The following HEATR5B variants were observed in gnomAD, a reference collection of about 807,000 sequenced individuals.
The protein encoded by HEATR5B is HEAT repeat-containing protein 5B.
In HEATR5B, 156 loss-of-function variants were observed where a neutral mutation model predicts 224.1. That is an observed-to-expected ratio of 0.70 (90% CI 0.61 to 0.80). The LOEUF is 0.80. Among genes scored for constraint, HEATR5B ranks in the 30% least tolerant of loss-of-function variants. The pLI is 0.00. For synonymous variants in HEATR5B, 1,027 were observed against 893.0 expected (o/e 1.15, Z -2.68); for missense variants, 2,323 against 2,535.5 (o/e 0.92, Z 1.80).
chr2:37,084,301 C>G lies in HEATR5B; in HGVS notation c.-55G>C. On this transcript the variant is annotated 5_prime_UTR_variant, in exon 1 of 36. Coordinates refer to ENST00000233099, the MANE Select transcript of HEATR5B (RefSeq NM_019024.3). The stretch of plus-strand genomic sequence containing the variant: ...TCTGGAAGGGAAGATCAGCTGAGCT[C>G]CGGGGGTAGAAGCAGCCACCAAGAG... 2.5e-6 allele frequency: 1 copy of G among 397,400 alleles called. No individual in the cohort carries two copies. Among genetic ancestry groups the G allele is most frequent in the East Asian group, 3.6e-5 (1 of 27,968 alleles). 24.6% of individuals were successfully genotyped at this position (397,400 alleles called of 1,614,324 possible).
chr2:37,013,754 A>T, intron 27 of HEATR5B, 87 bp downstream of exon 27: 1 of 1,248,792 alleles, frequency 8.0e-7, no homozygotes, highest in Non-Finnish European at 1.1e-6. Context: ...TAAAAAACAA[A>T]AATTTTTTTA....
chr2:37,076,834 A>T, intron 4 of HEATR5B, 77 bp downstream of exon 4: 1 of 1,106,464 alleles, frequency 9.0e-7, no homozygotes, highest in Non-Finnish European at 1.4e-6. Context: ...TGACAGAAAA[A>T]GAAACAAACA....
intron 21 of HEATR5B, among the ~76,000 whole-genome samples, chr2:37,033,597 T>C (rs896718440): frequency 1.3e-5 from 2 of 152,166 alleles, no homozygotes; most frequent in African/African-American, 4.8e-5. Context: ...GCCACAGTAT[T>C]TTTTTCATCT....
At chr2:36,982,111 T>C (rs1298305009) in intron 35 of HEATR5B, among the ~76,000 whole-genome samples, 1 of 151,952 alleles carries the variant, frequency 6.6e-6, no homozygotes, top group Non-Finnish European at 1.5e-5. Flanking sequence ...AGTAAGATTA[T>C]AAAATTTTTA....
In HEATR5B at chr2:37,005,644, A is replaced by C; in HGVS notation, c.4893T>G (p.Ile1631Met). 1 of 1,613,820 alleles carries C rather than the reference A, an allele frequency of 6.2e-7. No individual in the cohort carries two copies. Among genetic ancestry groups the C allele is most frequent in the Non-Finnish European group, 8.5e-7 (1 of 1,179,740 alleles). The change falls in exon 30 of 36, where the codon ATT (isoleucine) becomes ATG (methionine). Residue 1631 changes from isoleucine (I) to methionine (M), a missense_variant. Transcript: ENST00000233099. ...LLDSPYARVH[I>M]AEDQLIGVEL... ...CAATACACTGTACCTGATCTTCTGC[A>C]ATATGGACTCGAGCATAAGGGGAGT... is the stretch of plus-strand genomic sequence containing the variant.
Position 37,075,646 on chromosome 2 carries a change from TACAAAACAAAACTATTTTG to T in HEATR5B, c.448-31_448-13del, listed in dbSNP as rs775793925. The T allele has an allele frequency of 6.3e-7, 1 of 1,596,158 alleles. No individual in the cohort carries two copies. The highest frequency in any genetic ancestry group is 1.8e-5 in the Admixed American group (1 of 56,588). On this transcript the variant is annotated splice_polypyrimidine_tract_variant and intron_variant, in intron 4 of 35. Coordinates refer to ENST00000233099, the MANE Select transcript of HEATR5B (RefSeq NM_019024.3). ...CTTCGCCCTTGAGACTAGACATGTA[TACAAAACAAAACTATTTTG>T]TAAAATAAATTCCATATTTAAACAA... is the stretch of plus-strand genomic sequence containing the variant.
intron 35 of HEATR5B, among the ~76,000 whole-genome samples, chr2:36,982,861 G>GAGACACACACACACACAC (rs1665672650): frequency 1.7e-5 from 1 of 58,514 alleles, no homozygotes. Context: ...AACAGACACA[G>GAGACACACACACACACAC]ATACACACAC....
At chr2:37,017,549 G>A (rs976248051) in intron 26 of HEATR5B, among the ~76,000 whole-genome samples, 7 of 151,584 alleles carry the variant, frequency 4.6e-5, no homozygotes, top group Admixed American at 2.0e-4. Context: ...AGCTGGGCAT[G>A]GTGACGTACA....
chr2:37,082,967 G>A (rs950710843), intron 2 of HEATR5B, among the ~76,000 whole-genome samples: 2 of 151,870 alleles, frequency 1.3e-5, no homozygotes, highest in Non-Finnish European at 2.9e-5. Context: ...AAAGAGATAA[G>A]TGAAGACACT....
chr2:37,038,926 C>A (rs970292438), intron 20 of HEATR5B, among the ~76,000 whole-genome samples: 7 of 139,776 alleles, frequency 5.0e-5, no homozygotes, highest in African/African-American at 8.0e-5. Context: ...TGGGGAATCA[C>A]ATATTTTTCA....
chr2:36,996,122 G>A (rs879826106), intron 33 of HEATR5B, among the ~76,000 whole-genome samples: 12 of 151,230 alleles, frequency 7.9e-5, no homozygotes, highest in Non-Finnish European at 1.0e-4. Flanking sequence ...GTGCAGTGGC[G>A]CGATCTCAGC....
At chr2:37,015,587 T>C (rs1488734907) in intron 26 of HEATR5B, among the ~76,000 whole-genome samples, 4 of 152,182 alleles carry the variant, frequency 2.6e-5, no homozygotes, top group Admixed American at 2.0e-4. Context: ...TAAATGCTGA[T>C]TGTTGAAGCT....
chr2:37,069,900 CT>C (rs11372186), intron 7 of HEATR5B, among the ~76,000 whole-genome samples: 25 of 140,284 alleles, frequency 1.8e-4, no homozygotes, highest in Non-Finnish European at 1.7e-4. Context: ...TGAACAAAAT[CT>C]TTTTTTTTTT....
chr2:36,988,593 T>C lies in HEATR5B; in HGVS notation c.5911+53A>G, dbSNP rs1572735494. On this transcript the variant is annotated intron_variant, in intron 35 of 35. Coordinates refer to ENST00000233099, the MANE Select transcript of HEATR5B (RefSeq NM_019024.3). ...TTTCTAATATCAAATAAGATTTATA[T>C]ACAATACAGATCTTCATTCTGAACT... The C allele has an allele frequency of 7.6e-6, 11 of 1,445,696 alleles. No individual in the cohort carries two copies. In the East Asian group the frequency reaches 2.1e-4, roughly 27 times the overall value. 89.6% of individuals were successfully genotyped at this position (1,445,696 alleles called of 1,614,324 possible). A position where few individuals can be genotyped will look rare whatever the true frequency, so the allele number is the denominator to read the frequency against.
At chr2:36,995,821 G>A (rs182027912) in intron 33 of HEATR5B, among the ~76,000 whole-genome samples, 134 of 152,208 alleles carry the variant, frequency 8.8e-4, no homozygotes, top group African/African-American at 3.1e-3. Flanking sequence ...TTTCATTGTT[G>A]TAAGATAGAT....
At chr2:37,071,449 T>A (rs1671900418) in intron 6 of HEATR5B, among the ~76,000 whole-genome samples, 1 of 152,108 alleles carries the variant, frequency 6.6e-6, no homozygotes, top group African/African-American at 2.4e-5. Flanking sequence ...CAAGAAAAAT[T>A]AAAAATTAAT....
chr2:37,032,468 A>C (rs1211428680), intron 22 of HEATR5B, among the ~76,000 whole-genome samples, 161 bp downstream of exon 22: 1 of 152,232 alleles, frequency 6.6e-6, no homozygotes, highest in Non-Finnish European at 1.5e-5. Flanking sequence ...CAAAATTATC[A>C]AGAAAACCAC....
At chr2:37,064,709 A>G (rs751035440) in intron 10 of HEATR5B, 31 bp downstream of exon 10, 22 of 1,609,648 alleles carry the variant, frequency 1.4e-5, no homozygotes, top group South Asian at 3.3e-5. Context: ...CCCACGTGAC[A>G]GCATTCCCAA....
chr2:37,059,122 C>A, intron 12 of HEATR5B, 135 bp from the exon 13 acceptor site: 13 of 465,460 alleles, frequency 2.8e-5, no homozygotes, highest in South Asian at 7.3e-5. Flanking sequence ...CCATGTCGAA[C>A]CAAAAGAAAA....
Sources: gnomAD v4.1 joint callset for allele counts (sites outside exome capture counted in the v4.1 genomes callset) on GRCh38, gnomAD v4.1.1 for gene constraint, MANE v1.5 for transcripts, NCBI Gene and HGNC (gene_info 2026-07-23, HGNC 2026-07-21) for gene names.